The following SPTBN1 variants were observed in gnomAD, a reference collection of about 807,000 sequenced individuals.
SPTBN1 encodes spectrin beta chain, non-erythrocytic 1.
A neutral mutation model predicts 266.4 loss-of-function variants in SPTBN1; 32 were observed. The ratio of observed to expected loss-of-function variants is 0.12; its 90% CI spans 0.09 to 0.16. The LOEUF (loss-of-function observed/expected upper bound fraction) is 0.16, where lower values mean the gene tolerates loss of function less well. Ranked by LOEUF, SPTBN1 falls within the 10% of genes least tolerant of loss-of-function variation. The probability of loss-of-function intolerance (pLI) is 1.00; values close to 1 mark genes in which losing one functional copy is unlikely to be tolerated. For missense variants in SPTBN1, 2,296 were observed against 3,067.1 expected (o/e 0.75, Z 5.94); for synonymous variants, 1,336 against 1,162.2 (o/e 1.15, Z -3.04).
At chr2:54,456,934 G>GGACAGCGGACAGCGGACAGCC (rs1477842726) in intron 1 of SPTBN1, among the ~76,000 whole-genome samples, 505 of 140,090 alleles carry the variant, frequency 3.6e-3, no homozygotes, top group Non-Finnish European at 4.1e-3. Context: ...GGTGCGGAGC[G>GGACAGCGGACAGCGGACAGCC]GACAGCGGAC....
At chr2:54,502,304 C>G (rs138260943) in intron 1 of SPTBN1, among the ~76,000 whole-genome samples, 1 of 152,012 alleles carries the variant, frequency 6.6e-6, no homozygotes. Flanking sequence ...ACCTCAGGAA[C>G]GTAGCCTGTA....
At position 54,557,680 on chromosome 2, in the gene SPTBN1, T is replaced by G. The variant is rs1317646136; in HGVS notation, c.148+31114T>G. On this transcript the variant is annotated intron_variant, in intron 2 of 35. Coordinates refer to ENST00000356805, the MANE Select transcript of SPTBN1 (RefSeq NM_003128.3). ...CGGCGGTGTTTACCTGTGTACCTTT[T>G]TCCCACAATGCCTTGCAAATCGGTG... 3 of 980,536 alleles carry G rather than the reference T, an allele frequency of 3.1e-6. No homozygotes were observed. The African/African-American group carries it at 5.3e-5, about 17-fold the overall frequency. The allele number at this position is 980,536 out of a possible 1,614,324, so 60.7% of individuals were successfully genotyped here.
intron 1 of SPTBN1, among the ~76,000 whole-genome samples, chr2:54,467,344 T>C (rs1218652960): frequency 2.0e-5 from 3 of 152,210 alleles, no homozygotes; most frequent in African/African-American, 7.2e-5. Flanking sequence ...TGATCTGTGA[T>C]GTTTAAACAT....
At chr2:54,665,894 C>G in intron 33 of SPTBN1, 21 bp from the exon 34 acceptor site, 1 of 1,596,562 alleles carries the variant, frequency 6.3e-7, no homozygotes, top group South Asian at 1.1e-5. Flanking sequence ...CTCCCCCTGC[C>G]CTTTTTTTTA....
In SPTBN1 at chr2:54,504,661, T is replaced by C. The variant is rs575378108; in HGVS notation, c.-47-21711T>C. ...TATACAAATACTACACCATTTTATA[T>C]AAGGGACCTGAGCGTCCATGGATTT... is the stretch of plus-strand genomic sequence containing the variant. On this transcript the variant is annotated intron_variant, in intron 1 of 35. Coordinates refer to ENST00000356805, the MANE Select transcript of SPTBN1 (RefSeq NM_003128.3). 2.0e-5 allele frequency among the ~76,000 whole-genome samples: 3 copies of C among 152,304 alleles called. No homozygotes were observed. In the East Asian group the frequency reaches 5.8e-4, roughly 29 times the overall value.
intron 3 of SPTBN1, among the ~76,000 whole-genome samples, chr2:54,610,701 C>A (rs559288883): frequency 6.6e-6 from 1 of 152,336 alleles, no homozygotes; most frequent in East Asian, 1.9e-4. Context: ...TGGGCCACCA[C>A]AACTGTAGAC....
At chr2:54,552,669 C>G (rs1672647133) in intron 2 of SPTBN1, among the ~76,000 whole-genome samples, 1 of 151,970 alleles carries the variant, frequency 6.6e-6, no homozygotes, top group African/African-American at 2.4e-5. Context: ...GTTGGTCAGG[C>G]TGGTCTCCAC....
intron 20 of SPTBN1, among the ~76,000 whole-genome samples, chr2:54,644,944 G>A (rs1051782322): frequency 1.3e-5 from 2 of 152,176 alleles, no homozygotes; most frequent in African/African-American, 2.4e-5. Flanking sequence ...TTAACATCGT[G>A]ATTTGTGACA....
intron 2 of SPTBN1, among the ~76,000 whole-genome samples, chr2:54,568,233 C>T (rs1673800517): frequency 1.3e-5 from 2 of 151,320 alleles, no homozygotes; most frequent in Non-Finnish European, 2.9e-5. Flanking sequence ...ATACAAAAAT[C>T]AGCCGGTTGT....
intron 1 of SPTBN1, among the ~76,000 whole-genome samples, chr2:54,461,825 G>T (rs866256698): frequency 6.6e-6 from 1 of 152,078 alleles, no homozygotes; most frequent in African/African-American, 2.4e-5. Flanking sequence ...TACATGTCTT[G>T]CGACAATTAC....
intron 1 of SPTBN1, among the ~76,000 whole-genome samples, chr2:54,470,805 C>G (rs1287672713): frequency 6.6e-6 from 1 of 152,148 alleles, no homozygotes; most frequent in African/African-American, 2.4e-5. Flanking sequence ...AAGAACCTGT[C>G]TCAAACCCCA....
At chr2:54,631,934 A>C (rs1678760298) in intron 16 of SPTBN1, among the ~76,000 whole-genome samples, 1 of 152,126 alleles carries the variant, frequency 6.6e-6, no homozygotes, top group Non-Finnish European at 1.5e-5. Context: ...AGTGAGGGCC[A>C]GGCATGATGA....
chr2:54,494,755 G>C (rs764142197), intron 1 of SPTBN1, among the ~76,000 whole-genome samples: 3 of 152,110 alleles, frequency 2.0e-5, no homozygotes, highest in Non-Finnish European at 4.4e-5. Flanking sequence ...TGGGCCAGGA[G>C]GCATGGACTC....
chr2:54,535,735 T>C (rs184809760), intron 2 of SPTBN1, among the ~76,000 whole-genome samples: 7 of 152,342 alleles, frequency 4.6e-5, no homozygotes, highest in African/African-American at 1.7e-4. Context: ...CATCAGAAAC[T>C]ACTGTAGGCC....
At chr2:54,461,310 A>G (rs1693357672) in intron 1 of SPTBN1, among the ~76,000 whole-genome samples, 1 of 152,190 alleles carries the variant, frequency 6.6e-6, no homozygotes, top group African/African-American at 2.4e-5. Context: ...CCTGCTGTAT[A>G]GTATTCTAAC....
intron 1 of SPTBN1, among the ~76,000 whole-genome samples, chr2:54,479,282 C>G (rs545091494): frequency 6.6e-6 from 1 of 152,172 alleles, no homozygotes; most frequent in Admixed American, 6.5e-5. Flanking sequence ...CGCCTCCCCC[C>G]CAAGTTGGTT....
Position 54,664,452 on chromosome 2 carries a change from G to A in SPTBN1, c.6421-1G>A. The A allele has an allele frequency of 6.2e-7, 1 of 1,610,252 alleles. No homozygotes were observed. Among genetic ancestry groups the A allele is most frequent in the East Asian group, 2.2e-5 (1 of 44,754 alleles). On this transcript the variant is annotated splice_acceptor_variant, in intron 32 of 35. Coordinates refer to ENST00000356805, the MANE Select transcript of SPTBN1 (RefSeq NM_003128.3). LOFTEE classifies it high-confidence loss of function. This position sits in a 1 kb window ranked among gnomAD's most constrained non-coding sequence, Gnocchi z 5.6. ...CTGAATGGCCTCTCCGCTGTCCCTA[G>A]ATGGCAGAAACGGTGGACACAAGCG... is the stretch of plus-strand genomic sequence containing the variant.
Position 54,476,826 on chromosome 2 carries a change from G to T in SPTBN1, c.-48+20308G>T, listed in dbSNP as rs372372936. ...TTTTCTATTGCAAATCAAATTGCAG[G>T]CAGTGTTTTTAAAAATTAGTTATTA... On this transcript the variant is annotated intron_variant, in intron 1 of 35. Coordinates refer to ENST00000356805, the MANE Select transcript of SPTBN1 (RefSeq NM_003128.3). 2.6e-5 allele frequency among the ~76,000 whole-genome samples: 4 copies of T among 152,280 alleles called. No homozygotes were observed. In the South Asian group the frequency reaches 8.3e-4, roughly 32 times the overall value.
chr2:54,563,573 A>C (rs1673463254), intron 2 of SPTBN1, among the ~76,000 whole-genome samples: 1 of 149,638 alleles, frequency 6.7e-6, no homozygotes, highest in Non-Finnish European at 1.5e-5. Context: ...TATACCTCTG[A>C]ATCATGAAGA....
Sources: allele counts gnomAD v4.1 joint callset (sites outside exome capture counted in the v4.1 genomes callset), GRCh38; gene constraint gnomAD v4.1.1; non-coding constraint Gnocchi (gnomAD v3.1); transcripts MANE v1.5; gene names NCBI Gene and HGNC (gene_info 2026-07-23, HGNC 2026-07-21).